The following SPICE1 variants were observed in gnomAD, a reference collection of about 807,000 sequenced individuals.
SPICE1 encodes the protein spindle and centriole-associated protein 1.
A neutral mutation model predicts 102.7 loss-of-function variants in SPICE1; 75 were observed. The ratio of observed to expected loss-of-function variants is 0.73; its 90% CI spans 0.61 to 0.88. The LOEUF (loss-of-function observed/expected upper bound fraction) is 0.88. Among genes scored for constraint, SPICE1 ranks in the 40% least tolerant of loss-of-function variants. The pLI, the probability that SPICE1 is intolerant of heterozygous loss-of-function variation, is 0.00. For missense variants in SPICE1, 979 were observed against 1,020.1 expected (o/e 0.96, Z 0.55); for synonymous variants, 308 against 350.3 (o/e 0.88, Z 1.35).
At chr3:113,513,463 T>G (rs1198427488) in intron 1 of SPICE1, among the ~76,000 whole-genome samples, 1 of 151,520 alleles carries the variant, frequency 6.6e-6, no homozygotes, top group African/African-American at 2.4e-5. Flanking sequence ...CATTTCTAAC[T>G]ACCTACTATA....
intron 7 of SPICE1, among the ~76,000 whole-genome samples, chr3:113,484,194 T>G (rs1163485001): frequency 6.6e-6 from 1 of 152,224 alleles, no homozygotes; most frequent in Non-Finnish European, 1.5e-5. Context: ...AGTATTCTGA[T>G]GGTAGTTTGT....
At chr3:113,486,156 C>CATAT (rs61506451) in intron 7 of SPICE1, among the ~76,000 whole-genome samples, 23,260 of 141,808 alleles carry the variant, frequency 0.16, 2,202 homozygotes, top group East Asian at 0.39. Flanking sequence ...CCTAAATGAC[C>CATAT]ATATATATAT....
chr3:113,448,557 G>A (rs1054512477), intron 15 of SPICE1, among the ~76,000 whole-genome samples: 1 of 152,132 alleles, frequency 6.6e-6, no homozygotes, highest in Non-Finnish European at 1.5e-5. Flanking sequence ...ATTACATTAT[G>A]ACTATTACTG....
Position 113,448,117 on chromosome 3 carries a change from C to T in SPICE1, c.2347G>A (p.Val783Ile), listed in dbSNP as rs2107440140. The change falls in exon 16 of 18, where the codon GTA (valine) becomes ATA (isoleucine). Residue 783 changes from valine (V) to isoleucine (I), a missense_variant. Coordinates refer to ENST00000295872, the MANE Select transcript of SPICE1 (RefSeq NM_144718.4). ...WTEGAKRTIE[V>I]SIPGAEAPES... ...GGGGCTTCTGCTCCTGGAATAGATA[C>T]CTCAATTGTCCTCTTTGCTCCTTCT... is the stretch of plus-strand genomic sequence containing the variant. The T allele has an allele frequency of 1.9e-6, 3 of 1,609,852 alleles. No homozygotes were observed. The highest frequency in any genetic ancestry group is 1.7e-6 in the Non-Finnish European group (2 of 1,177,914).
chr3:113,454,602 G>T (rs1935738611), intron 13 of SPICE1, among the ~76,000 whole-genome samples: 2 of 152,074 alleles, frequency 1.3e-5, no homozygotes, highest in Non-Finnish European at 2.9e-5. Context: ...TGTAATCCCA[G>T]CTACTCAGGA....
intron 7 of SPICE1, among the ~76,000 whole-genome samples, chr3:113,486,156 C>CATATATATATATATATAT (rs61506451): frequency 1.5e-3 from 206 of 141,970 alleles, no homozygotes; most frequent in East Asian, 0.012. Flanking sequence ...CCTAAATGAC[C>CATATATATATATATATAT]ATATATATAT....
At chr3:113,481,491 G>A (rs567034229) in intron 7 of SPICE1, among the ~76,000 whole-genome samples, 70 of 151,106 alleles carry the variant, frequency 4.6e-4, no homozygotes, top group Admixed American at 1.6e-3. Context: ...AGGTATACAC[G>A]TCCCATAGTG....
Position 113,506,520 on chromosome 3 carries a change from T to C in SPICE1, c.86A>G (p.Lys29Arg). The C allele has an allele frequency of 1.2e-6, 2 of 1,612,862 alleles. No homozygotes were observed. Among genetic ancestry groups the C allele is most frequent in the Non-Finnish European group, 1.7e-6 (2 of 1,179,244 alleles). Residue 29 changes from lysine to arginine, a missense_variant, in exon 2 of 18, where the codon AAA (lysine) becomes AGA (arginine). Physicochemically the swap from Lys to Arg is conservative, Grantham distance 26. Coordinates refer to ENST00000295872, the MANE Select transcript of SPICE1 (RefSeq NM_144718.4). The stretch of plus-strand genomic sequence containing the variant: ...ACCTATACTCACATCCCATTCTTGT[T>C]TCACTGAAGTTTTCTTCTTCTTTAC... The part of the protein sequence containing the change: ...PKVKKKKTSV[K>R]QEWDNTVTDL...
At position 113,450,497 on chromosome 3, in the gene SPICE1, G is replaced by A; in HGVS notation, c.2162C>T (p.Ser721Phe). The A allele has an allele frequency of 6.2e-7, 1 of 1,607,084 alleles. No individual in the cohort carries two copies. The highest frequency in any genetic ancestry group is 8.5e-7 in the Non-Finnish European group (1 of 1,177,100). Residue 721 changes from serine to phenylalanine, a missense_variant, in exon 15 of 18, where the codon TCT (serine) becomes TTT (phenylalanine). Physicochemically the swap from Ser to Phe is radical, Grantham distance 155. Coordinates refer to ENST00000295872, the MANE Select transcript of SPICE1 (RefSeq NM_144718.4). ...DMTSTFPVAQ[S>F]LTPGSMEERI... ...TTCCTCCATACTACCTGGTGTTAGA[G>A]ACTGTGCTACTGGAAAAGTCTTTGG...
intron 1 of SPICE1, 123 bp from the exon 2 acceptor site, chr3:113,506,728 T>A (rs895346654): frequency 2.9e-6 from 2 of 685,554 alleles, no homozygotes; most frequent in Non-Finnish European, 4.9e-6. Context: ...AATTTAAGCA[T>A]GATGAAAGGA....
Position 113,470,693 on chromosome 3 carries a change from G to C in SPICE1, c.612-1455C>G, listed in dbSNP as rs539413502. ...TAAGTGAGAACATGTGGCCAGAGCT[G>C]CAGATCCATAGGCACAGAGGCCAAA... On this transcript the variant is annotated intron_variant, in intron 7 of 17. Coordinates refer to ENST00000295872, the MANE Select transcript of SPICE1 (RefSeq NM_144718.4). Among the ~76,000 whole-genome samples, 24 of 152,338 alleles carry C rather than the reference G, an allele frequency of 1.6e-4. No individual in the cohort carries two copies. The South Asian group carries it at 4.6e-3, about 29-fold the overall frequency.
intron 12 of SPICE1, chr3:113,459,461 A>T: frequency 1.0e-6 from 1 of 977,800 alleles, no homozygotes. Flanking sequence ...CAAAACAAAA[A>T]AAAACAATAA....
At chr3:113,483,748 GC>G (rs1159144102) in intron 7 of SPICE1, among the ~76,000 whole-genome samples, 1 of 152,166 alleles carries the variant, frequency 6.6e-6, no homozygotes, top group Non-Finnish European at 1.5e-5. Flanking sequence ...TGGTGGATAA[GC>G]TTTTTGATGT....
chr3:113,498,169 C>A (rs113966037), intron 4 of SPICE1, among the ~76,000 whole-genome samples: 3 of 152,260 alleles, frequency 2.0e-5, no homozygotes, highest in African/African-American at 7.2e-5. Context: ...AGCTGCCACA[C>A]CCAGCTGTTA....
Position 113,502,325 on chromosome 3 carries a change from G to A in SPICE1, c.147+855C>T, listed in dbSNP as rs558241538. Among the ~76,000 whole-genome samples the A allele has an allele frequency of 9.7e-4, 147 of 152,284 alleles. 1 individual carries two copies. Among genetic ancestry groups the A allele is most frequent in the African/African-American group, 3.3e-3 (137 of 41,552 alleles). On this transcript the variant is annotated intron_variant, in intron 3 of 17. Coordinates refer to ENST00000295872, the MANE Select transcript of SPICE1 (RefSeq NM_144718.4). ...GGAGGTGGAGGCTGCAGTGGGCAGA[G>A]ACATACATGCTACAACAGGGATGAA...
intron 7 of SPICE1, among the ~76,000 whole-genome samples, chr3:113,478,768 A>C (rs1936421724): frequency 6.6e-6 from 1 of 152,144 alleles, no homozygotes; most frequent in Non-Finnish European, 1.5e-5. Context: ...TATCTTTAGA[A>C]CTTTATACCT....
chr3:113,475,939 A>G (rs1936334446), intron 7 of SPICE1, among the ~76,000 whole-genome samples: 1 of 152,186 alleles, frequency 6.6e-6, no homozygotes, highest in Non-Finnish European at 1.5e-5. Flanking sequence ...GGCCAGGGCA[A>G]TTAGGCAGGA....
At chr3:113,495,368 GAC>G (rs1318566782) in intron 4 of SPICE1, among the ~76,000 whole-genome samples, 1 of 152,180 alleles carries the variant, frequency 6.6e-6, no homozygotes, top group Non-Finnish European at 1.5e-5. Context: ...ATTGTTTTAA[GAC>G]ACAGAAAGAA....
Position 113,453,453 on chromosome 3 carries a change from A to G in SPICE1, c.2142+13T>C. 1 of 1,585,242 alleles carries G rather than the reference A, an allele frequency of 6.3e-7. No homozygotes were observed. The highest frequency in any genetic ancestry group is 2.2e-5 in the East Asian group (1 of 44,518). On this transcript the variant is annotated intron_variant, in intron 14 of 17. Transcript: ENST00000295872. ...TCCTATATGTCCCTAATCAATCCTTAAATGGTACTCACAGAAGTCATGTCA... is the reference window on the plus strand; with the variant it reads ...TCCTATATGTCCCTAATCAATCCTTGAATGGTACTCACAGAAGTCATGTCA...
Sources: gnomAD v4.1 joint callset for allele counts (sites outside exome capture counted in the v4.1 genomes callset) on GRCh38, gnomAD v4.1.1 for gene constraint, MANE v1.5 for transcripts, NCBI Gene and HGNC (gene_info 2026-07-23, HGNC 2026-07-21) for gene names.